VCL: variants seen among roughly 807,000 people sequenced by gnomAD.
The protein encoded by VCL is vinculin, also known as epididymis luminal protein 114.
A neutral mutation model predicts 125.7 loss-of-function variants in VCL; 47 were observed. The observed-to-expected ratio is 0.37, with a 90% CI of 0.30 to 0.48. The LOEUF (loss-of-function observed/expected upper bound fraction) is 0.48, where lower values mean the gene tolerates loss of function less well. VCL is among the 20% of genes least tolerant of loss of function. The pLI, the probability that VCL is intolerant of heterozygous loss-of-function variation, is 0.99. For synonymous variants in VCL, 458 were observed against 514.6 expected, an observed-to-expected ratio of 0.89 and a Z score of 1.49; for missense variants, 1,069 against 1,455.5, an observed-to-expected ratio of 0.73 and a Z score of 4.32.
At chr10:74,030,281 C>A (rs1840850598) in intron 1 of VCL, among the ~76,000 whole-genome samples, 1 of 152,182 alleles carries the variant, frequency 6.6e-6, no homozygotes, top group South Asian at 2.1e-4. Context: ...GTTACCAAAT[C>A]TTCCTAATTG....
At chr10:74,052,315 CTTCTTAATTTTTGT>C (rs1841313474) in intron 2 of VCL, among the ~76,000 whole-genome samples, 1 of 150,164 alleles carries the variant, frequency 6.7e-6, no homozygotes, top group Non-Finnish European at 1.5e-5. Context: ...TCTTCTATAG[CTTCTTAATTTTTGT>C]TTCTTAATAA....
intron 1 of VCL, among the ~76,000 whole-genome samples, chr10:74,026,664 C>T (rs1431492022): frequency 3.3e-5 from 5 of 152,178 alleles, no homozygotes; most frequent in South Asian, 4.1e-4. Flanking sequence ...AGGTGATTTA[C>T]ATATGTATTA....
At chr10:74,113,651 G>A (rs78400538) in intron 19 of VCL, among the ~76,000 whole-genome samples, 2 of 151,536 alleles carry the variant, frequency 1.3e-5, no homozygotes, top group African/African-American at 4.9e-5. Context: ...TAGCAAGAAC[G>A]CTTGGCTGCT....
rs1215459778 is a variant in VCL, at chr10:74,116,111, TC to T, written c.3258+1218del. Among the ~76,000 whole-genome samples, 3 of 151,652 alleles carry T rather than the reference TC, an allele frequency of 2.0e-5. No homozygotes were observed. The East Asian group carries it at 5.8e-4, about 29-fold the overall frequency. On this transcript the variant is annotated intron_variant, in intron 21 of 21. Coordinates refer to ENST00000211998, the MANE Select transcript of VCL (RefSeq NM_014000.3). ...AGTTTAAAAAATTAAGAGACACAAT[TC>T]CCCCCACCCAACGTGGGGAACTCAA...
intron 5 of VCL, among the ~76,000 whole-genome samples, chr10:74,074,066 A>AAAAACAAAAC (rs199568482): frequency 6.6e-6 from 1 of 151,920 alleles, no homozygotes; most frequent in African/African-American, 2.4e-5. Context: ...CGTCTCTACT[A>AAAAACAAAAC]AAAACAAAAC....
chr10:74,019,115 A>C (rs1423205531), intron 1 of VCL, among the ~76,000 whole-genome samples: 1 of 152,256 alleles, frequency 6.6e-6, no homozygotes, highest in Non-Finnish European at 1.5e-5. Flanking sequence ...TTCAGACAAC[A>C]TGGCAAAGAA....
rs1839992209 is a variant in VCL at position 74,097,635 on chromosome 10, A to AT, written c.1872+304dup. Among the ~76,000 whole-genome samples, 1 of 152,230 alleles carries AT rather than the reference A, an allele frequency of 6.6e-6. No homozygotes were observed. The highest frequency in any genetic ancestry group is 1.5e-5 in the Non-Finnish European group (1 of 68,040). On this transcript the variant is annotated intron_variant, in intron 13 of 21. Coordinates refer to ENST00000211998, the MANE Select transcript of VCL (RefSeq NM_014000.3). This position sits in a 1 kb window ranked among gnomAD's most constrained non-coding sequence, Gnocchi z 4.1. Reference sequence around the variant, plus strand: ...TTTGGCATTGGTTCAGCAGCTAAATATCATGAAAGCTGGCATTTCTATGAT... The same window carrying AT: ...TTTGGCATTGGTTCAGCAGCTAAATATTCATGAAAGCTGGCATTTCTATGAT...
intron 6 of VCL, among the ~76,000 whole-genome samples, chr10:74,081,001 T>C (rs184299554): frequency 6.6e-6 from 1 of 152,358 alleles, no homozygotes; most frequent in Non-Finnish European, 1.5e-5. Flanking sequence ...TCAAAGCACT[T>C]AAAAATACCA....
intron 1 of VCL, among the ~76,000 whole-genome samples, chr10:74,008,232 G>A (rs1840355826): frequency 6.6e-6 from 1 of 152,136 alleles, no homozygotes; most frequent in Non-Finnish European, 1.5e-5. Flanking sequence ...TCAAATTTGA[G>A]CCATCTCATG....
At position 74,114,911 on chromosome 10, in the gene VCL, C is replaced by T. The variant is rs372030199; in HGVS notation, c.3258+12C>T. 11 of 1,576,604 alleles carry T rather than the reference C, an allele frequency of 7.0e-6. No individual in the cohort carries two copies. Among genetic ancestry groups the T allele is most frequent in the Admixed American group, 1.9e-5 (1 of 53,744 alleles). On this transcript the variant is annotated intron_variant, in intron 21 of 21. Transcript: ENST00000211998. ...AGGAGTCTGAGCAGGTATGTGGCAG[C>T]TGTTTTTGGTTTCTGGCTGGCAGCT...
intron 6 of VCL, chr10:74,076,768 G>A (rs952332938): frequency 6.6e-6 from 1 of 152,652 alleles, no homozygotes; most frequent in Non-Finnish European, 1.5e-5. Flanking sequence ...TGAATTAGCT[G>A]TAGTTCTCCA....
intron 1 of VCL, among the ~76,000 whole-genome samples, chr10:74,011,796 C>A (rs1001389768): frequency 1.3e-5 from 2 of 152,168 alleles, no homozygotes; most frequent in Non-Finnish European, 2.9e-5. Context: ...CATGTCACTT[C>A]TATCAGAAGT....
intron 6 of VCL, chr10:74,075,751 G>T (rs1045069883): frequency 6.6e-6 from 1 of 152,658 alleles, no homozygotes; most frequent in African/African-American, 2.4e-5. Context: ...GGATTTTGTT[G>T]TATGACTTCC....
chr10:74,083,281 T>G lies in VCL; in HGVS notation c.875-85T>G, dbSNP rs924246555. The G allele has an allele frequency of 7.7e-6, 12 of 1,559,484 alleles. No homozygotes were observed. The African/African-American group carries it at 1.5e-4, about 19-fold the overall frequency. On this transcript the variant is annotated intron_variant, in intron 7 of 21. Transcript: ENST00000211998. The stretch of plus-strand genomic sequence containing the variant: ...CGTCTTGTTTAAAATCATCCATTCC[T>G]TGGTGAATGAAATGACTTGTAAAGT...
At chr10:74,044,890 A>G (rs1490530566) in intron 2 of VCL, among the ~76,000 whole-genome samples, 4 of 152,190 alleles carry the variant, frequency 2.6e-5, no homozygotes, top group African/African-American at 9.6e-5. Context: ...ATTGAAAAAA[A>G]CAATGAGGCC....
In VCL at chr10:74,019,732, C is replaced by T. The variant is rs918557742; in HGVS notation, c.168+21357C>T. Among the ~76,000 whole-genome samples the T allele has an allele frequency of 5.9e-5, 9 of 152,118 alleles. No homozygotes were observed. In the East Asian group the frequency reaches 1.2e-3, roughly 19 times the overall value. On this transcript the variant is annotated intron_variant, in intron 1 of 21. Transcript: ENST00000211998. ...TTTATATTTGGATTCATAGTGTTCTCGATTTTGAAAATGAATCAGTAAAGT... is the reference window on the plus strand; with the variant it reads ...TTTATATTTGGATTCATAGTGTTCTTGATTTTGAAAATGAATCAGTAAAGT...
At chr10:74,084,827 G>T (rs1290002860) in intron 8 of VCL, among the ~76,000 whole-genome samples, 8 of 150,384 alleles carry the variant, frequency 5.3e-5, no homozygotes, top group Non-Finnish European at 3.0e-5. Flanking sequence ...GGTCAGGCTG[G>T]TCTCAAACTT....
At chr10:74,090,312 A>G (rs1839859205) in intron 10 of VCL, 114 bp downstream of exon 10, 3 of 1,183,564 alleles carry the variant, frequency 2.5e-6, no homozygotes, top group Middle Eastern at 2.7e-4. Flanking sequence ...CAATTCCCCT[A>G]GGTTAAATGC....
At chr10:74,030,541 G>A (rs555944172) in intron 1 of VCL, among the ~76,000 whole-genome samples, 2 of 152,268 alleles carry the variant, frequency 1.3e-5, no homozygotes, top group Admixed American at 6.5e-5. Flanking sequence ...GAACTTTTCC[G>A]TCTGAGAGGG....
Sources: gnomAD v4.1 joint callset for allele counts (sites outside exome capture counted in the v4.1 genomes callset) on GRCh38, gnomAD v4.1.1 for gene constraint, Gnocchi (gnomAD v3.1) non-coding constraint, MANE v1.5 for transcripts, NCBI Gene and HGNC (gene_info 2026-07-23, HGNC 2026-07-21) for gene names.